The following PIR variants were observed in gnomAD, a reference collection of about 807,000 sequenced individuals.
The protein encoded by PIR is pirin.
In PIR, 22 loss-of-function variants were observed where a neutral mutation model predicts 24.2. That is an observed-to-expected ratio of 0.91 (90% CI 0.65 to 1.30). The LOEUF is 1.30. Among genes scored for constraint, PIR ranks in the 50% most tolerant of loss-of-function variants. The pLI is 0.00. For synonymous variants in PIR, 80 were observed against 79.6 expected (o/e 1.00, Z -0.03); for missense variants, 220 against 220.3 (o/e 1.00, Z 0.01).
chrX:15,454,902 C>T (rs1285218408), intron 5 of PIR, among the ~76,000 whole-genome samples: 1 of 112,107 alleles, frequency 8.9e-6, no homozygotes, highest in Non-Finnish European at 1.9e-5. Context: ...GGCTCCCTTG[C>T]CAGGGATGGG....
chrX:15,436,384 G>A (rs2147042852), intron 5 of PIR, among the ~76,000 whole-genome samples: 1 of 112,074 alleles, frequency 8.9e-6, no homozygotes, highest in South Asian at 3.7e-4. Flanking sequence ...TTTAACCAGA[G>A]ACATGTTAAT....
intron 6 of PIR, among the ~76,000 whole-genome samples, chrX:15,410,255 AAAAAC>A (rs371317022): frequency 1.5e-4 from 17 of 110,702 alleles, no homozygotes; most frequent in Middle Eastern, 9.2e-3. Context: ...TGTCTCGGAA[AAAAAC>A]AAAACAAAAC....
At chrX:15,486,075 C>T (rs1180230603) in intron 2 of PIR, among the ~76,000 whole-genome samples, 2 of 109,146 alleles carry the variant, frequency 1.8e-5, no homozygotes, top group Non-Finnish European at 3.8e-5. Context: ...CCAATCAGGC[C>T]AGGCGTGGTG....
chrX:15,390,250 TC>T lies in PIR; in HGVS notation c.694del (p.Asp232IlefsTer9). On this transcript the variant is annotated frameshift_variant and splice_region_variant, in exon 9 of 10. Transcript: ENST00000380420. LOFTEE classifies it high-confidence loss of function. ...EGDSVQVENKDPKRSHFVLIA... is the reference protein window; with the variant it reads ...EGDSVQVENKXPKRSHFVLIA... ...TAAGACAAAGTGGCTTCTCTTGGGA[TC>T]CTAAAGTTAACAAAGAAAACATCAA... 1 of 1,106,707 alleles carries T rather than the reference TC, an allele frequency of 9.0e-7. No homozygotes were observed. Among genetic ancestry groups the T allele is most frequent in the Non-Finnish European group, 1.2e-6 (1 of 813,303 alleles). 91.2% of individuals were successfully genotyped at this position (1,106,707 alleles called of 1,213,427 possible). A position where few individuals can be genotyped will look rare whatever the true frequency, so the allele number is the denominator to read the frequency against.
At chrX:15,433,386 A>G (rs1925574345) in intron 5 of PIR, among the ~76,000 whole-genome samples, 1 of 108,294 alleles carries the variant, frequency 9.2e-6, no homozygotes. Flanking sequence ...GAGGCTGTGG[A>G]GAAGGACAAA....
intron 5 of PIR, among the ~76,000 whole-genome samples, chrX:15,446,557 G>C (rs1926110562): frequency 9.0e-6 from 1 of 111,586 alleles, no homozygotes; most frequent in South Asian, 3.8e-4. Context: ...AGTTGTCCTG[G>C]GCCGCGAGTT....
At chrX:15,466,774 C>T (rs1164106359) in intron 3 of PIR, among the ~76,000 whole-genome samples, 1 of 111,544 alleles carries the variant, frequency 9.0e-6, no homozygotes, top group African/African-American at 3.3e-5. Context: ...TTCCCCCTAC[C>T]CCCTCCAACA....
In PIR at chrX:15,481,515, T is replaced by C. The variant is rs1378822131; in HGVS notation, c.97-1694A>G. Among the ~76,000 whole-genome samples the C allele has an allele frequency of 2.7e-5, 3 of 112,112 alleles. No individual in the cohort carries two copies. In the East Asian group the frequency reaches 8.3e-4, roughly 31 times the overall value. On this transcript the variant is annotated intron_variant, in intron 2 of 9. Transcript: ENST00000380420. ...CTCAATAGAACCATGGTTATCCCCA[T>C]TTATTTAGGTCTTTAAACATATTTC...
At chrX:15,447,882 T>C (rs1926162115) in intron 5 of PIR, among the ~76,000 whole-genome samples, 1 of 112,238 alleles carries the variant, frequency 8.9e-6, no homozygotes, top group African/African-American at 3.2e-5. Flanking sequence ...TGGGTTTTTT[T>C]AATAGCTTTT....
chrX:15,411,675 T>TC (rs1234148364), intron 6 of PIR, among the ~76,000 whole-genome samples: 2 of 108,161 alleles, frequency 1.8e-5, no homozygotes, highest in East Asian at 3.0e-4. Flanking sequence ...ACCCGCAACC[T>TC]CCCCCCCGCC....
At chrX:15,418,278 G>A (rs190728390) in intron 6 of PIR, among the ~76,000 whole-genome samples, 6 of 110,930 alleles carry the variant, frequency 5.4e-5, no homozygotes, top group Non-Finnish European at 1.1e-4. Context: ...GAAGACAAGG[G>A]GGACATGAGG....
chrX:15,401,237 G>A (rs1430479138), intron 7 of PIR, among the ~76,000 whole-genome samples: 1 of 106,674 alleles, frequency 9.4e-6, no homozygotes. Context: ...AATTTTTTTT[G>A]GTAGAGGCAG....
intron 6 of PIR, chrX:15,407,772 C>A: frequency 5.1e-6 from 2 of 394,605 alleles, no homozygotes; most frequent in Non-Finnish European, 8.9e-6. Flanking sequence ...ACCTAAATGA[C>A]TTGGTCCCAA....
At chrX:15,392,570 T>G (rs1923992699) in intron 8 of PIR, among the ~76,000 whole-genome samples, 1 of 111,914 alleles carries the variant, frequency 8.9e-6, no homozygotes, top group East Asian at 2.8e-4. Flanking sequence ...GTATTTGACA[T>G]GACAGAAATT....
Position 15,456,074 on chromosome X carries a change from A to T in PIR, c.274-20T>A. On this transcript the variant is annotated intron_variant, in intron 4 of 9. Transcript: ENST00000380420. ...CATCCACTGCAAACACAAAACCAAC[A>T]AGAGGGAAATGTAACCAAGCTCCTA... 1 of 1,180,558 alleles carries T rather than the reference A, an allele frequency of 8.5e-7. No homozygotes were observed. The highest frequency in any genetic ancestry group is 1.2e-6 in the Non-Finnish European group (1 of 868,967).
intron 5 of PIR, among the ~76,000 whole-genome samples, chrX:15,439,054 A>G (rs1925835741): frequency 8.9e-6 from 1 of 112,377 alleles, no homozygotes; most frequent in Admixed American, 9.5e-5. Context: ...TACATGGCCA[A>G]GAATCTGTCT....
intron 9 of PIR, among the ~76,000 whole-genome samples, chrX:15,387,073 C>CTTTTTTTTTTTTT (rs764572854): frequency 3.9e-4 from 5 of 12,696 alleles, no homozygotes; most frequent in Non-Finnish European, 7.5e-4. Flanking sequence ...CTTTTCTTTT[C>CTTTTTTTTTTTTT]TTTTTTTTTT....
intron 6 of PIR, among the ~76,000 whole-genome samples, chrX:15,424,851 T>C (rs1026283493): frequency 4.0e-4 from 44 of 110,131 alleles, no homozygotes; most frequent in African/African-American, 1.4e-3. Flanking sequence ...ATTAAAAAAT[T>C]AGCTGGGCAT....
chrX:15,451,179 C>A (rs754041565), intron 5 of PIR, among the ~76,000 whole-genome samples: 4 of 111,427 alleles, frequency 3.6e-5, no homozygotes, highest in African/African-American at 6.5e-5. Flanking sequence ...GGGAGATATC[C>A]ACAAGAAATG....
Sources: gnomAD v4.1 joint callset for allele counts (sites outside exome capture counted in the v4.1 genomes callset) on GRCh38, gnomAD v4.1.1 for gene constraint, MANE v1.5 for transcripts, NCBI Gene and HGNC (gene_info 2026-07-23, HGNC 2026-07-21) for gene names.